NFIA: variants seen among roughly 807,000 people sequenced by gnomAD.
NFIA encodes nuclear factor I A.
Under a neutral mutation model 62.8 loss-of-function variants are expected in NFIA, and 8 were observed. That is an observed-to-expected ratio of 0.13 (90% CI 0.07 to 0.23). NFIA has a LOEUF of 0.23. NFIA is among the 10% of genes least tolerant of loss of function. The pLI is 1.00. For synonymous variants in NFIA, 235 were observed against 238.1 expected (o/e 0.99, Z 0.12); for missense variants, 410 against 642.1 (o/e 0.64, Z 3.91).
intron 4 of NFIA, among the ~76,000 whole-genome samples, chr1:61,338,703 G>A (rs1462498624): frequency 6.6e-6 from 1 of 152,156 alleles, no homozygotes; most frequent in East Asian, 1.9e-4. Flanking sequence ...AATACAAAAT[G>A]TTCTTGCACA....
intron 10 of NFIA, among the ~76,000 whole-genome samples, chr1:61,450,475 C>T (rs1668008728): frequency 6.6e-6 from 1 of 152,196 alleles, no homozygotes; most frequent in African/African-American, 2.4e-5. Context: ...CTAACACCTC[C>T]CCAAGAGAGA....
At chr1:61,320,109 T>A (rs1295389733) in intron 3 of NFIA, among the ~76,000 whole-genome samples, 1 of 150,586 alleles carries the variant, frequency 6.6e-6, no homozygotes. Context: ...CCATTCTACT[T>A]CTTTTTTTTT....
At chr1:61,157,896 A>G (rs1183479703) in intron 2 of NFIA, among the ~76,000 whole-genome samples, 2 of 152,248 alleles carry the variant, frequency 1.3e-5, no homozygotes, top group Non-Finnish European at 2.9e-5. Context: ...GACTTTAAAC[A>G]TTTTAAATCA....
At chr1:61,345,078 A>C (rs1421329742) in intron 4 of NFIA, among the ~76,000 whole-genome samples, 1 of 151,182 alleles carries the variant, frequency 6.6e-6, no homozygotes, top group Non-Finnish European at 1.5e-5. Context: ...ACTACATTCT[A>C]CTTATGACAG....
intron 3 of NFIA, among the ~76,000 whole-genome samples, chr1:61,306,640 C>G (rs1434955722): frequency 2.0e-5 from 3 of 152,142 alleles, no homozygotes; most frequent in African/African-American, 7.2e-5. Context: ...TCACCCACTT[C>G]TTCTTTACCA....
intron 2 of NFIA, among the ~76,000 whole-genome samples, chr1:61,174,877 A>G (rs1451706900): frequency 6.6e-6 from 1 of 152,192 alleles, no homozygotes; most frequent in Non-Finnish European, 1.5e-5. Flanking sequence ...TTTTGGATGC[A>G]CTTTTGATGG....
At position 61,256,230 on chromosome 1, in the gene NFIA, C is replaced by T. The variant is rs535087916; in HGVS notation, c.560-21290C>T. Among the ~76,000 whole-genome samples, 71 of 152,046 alleles carry T rather than the reference C, an allele frequency of 4.7e-4. 1 individual carries two copies. Among genetic ancestry groups the T allele is most frequent in the Admixed American group, 1.6e-3 (24 of 15,270 alleles). The stretch of plus-strand genomic sequence containing the variant: ...ATCATTTGAGGTGAGGTCAGGAGTT[C>T]AAGACCAGCCTGGCCAACATGGTGA... On this transcript the variant is annotated intron_variant, in intron 2 of 10. Coordinates refer to ENST00000403491, the MANE Select transcript of NFIA (RefSeq NM_001134673.4).
intron 2 of NFIA, among the ~76,000 whole-genome samples, chr1:61,231,018 C>T (rs1255888752): frequency 6.6e-6 from 1 of 152,226 alleles, no homozygotes; most frequent in Non-Finnish European, 1.5e-5. Context: ...GCTTTGTATA[C>T]TTCTGCCACA....
intron 4 of NFIA, among the ~76,000 whole-genome samples, chr1:61,333,070 C>CAT (rs1297864933): frequency 8.3e-5 from 11 of 133,082 alleles, no homozygotes; most frequent in South Asian, 2.2e-4. Flanking sequence ...CACACACATA[C>CAT]ACACACACAC....
chr1:61,084,605 A>G (rs766650539), intron 1 of NFIA, among the ~76,000 whole-genome samples: 1 of 152,220 alleles, frequency 6.6e-6, no homozygotes, highest in South Asian at 2.1e-4. Flanking sequence ...TCGAAGGCTG[A>G]AGTTCTAGCT....
At chr1:61,238,985 A>C (rs1655170476) in intron 2 of NFIA, among the ~76,000 whole-genome samples, 2 of 152,148 alleles carry the variant, frequency 1.3e-5, no homozygotes, top group Non-Finnish European at 2.9e-5. Context: ...TCTTTGAAAA[A>C]TTTACAATAT....
At chr1:61,131,928 T>C (rs564594414) in intron 2 of NFIA, among the ~76,000 whole-genome samples, 14 of 152,304 alleles carry the variant, frequency 9.2e-5, no homozygotes, top group Admixed American at 8.5e-4. Flanking sequence ...TGTAGACTTT[T>C]GGAGTGTGCC....
chr1:61,364,024 G>A (rs186913057), intron 6 of NFIA, among the ~76,000 whole-genome samples: 8 of 149,986 alleles, frequency 5.3e-5, no homozygotes, highest in African/African-American at 2.0e-4. Flanking sequence ...TCAGCTCACT[G>A]CAACCTCCAC....
chr1:61,374,168 A>G (rs1338342379), intron 6 of NFIA, among the ~76,000 whole-genome samples: 1 of 152,216 alleles, frequency 6.6e-6, no homozygotes, highest in Non-Finnish European at 1.5e-5. Context: ...CTGGATATCT[A>G]AGGAGAATGA....
rs112330173 is a variant in NFIA at position 61,406,557 on chromosome 1, C to A, written c.1255-5C>A. On this transcript the variant is annotated splice_polypyrimidine_tract_variant and splice_region_variant and intron_variant, in intron 8 of 10. Coordinates refer to ENST00000403491, the MANE Select transcript of NFIA (RefSeq NM_001134673.4). Reference sequence around the variant, plus strand: ...GTGTGTTTTCTGCCCCCCCCCCCCCCACAGCCCAATGGGAGCAGCCAAGGC... The same window carrying A: ...GTGTGTTTTCTGCCCCCCCCCCCCCAACAGCCCAATGGGAGCAGCCAAGGC... 146 of 1,317,552 alleles carry A rather than the reference C, an allele frequency of 1.1e-4. No individual in the cohort carries two copies. The highest frequency in any genetic ancestry group is 6.7e-4 in the South Asian group (50 of 74,796). 81.6% of individuals were successfully genotyped at this position (1,317,552 alleles called of 1,614,324 possible).
At chr1:61,389,285 A>G (rs900282050) in intron 7 of NFIA, among the ~76,000 whole-genome samples, 3 of 152,176 alleles carry the variant, frequency 2.0e-5, no homozygotes, top group African/African-American at 4.8e-5. Context: ...AAAGAAGGGA[A>G]AAGGTGAAGG....
chr1:61,434,261 C>T (rs1038308637), intron 10 of NFIA, among the ~76,000 whole-genome samples: 4 of 152,104 alleles, frequency 2.6e-5, no homozygotes, highest in African/African-American at 4.8e-5. Context: ...CATTTTTTCT[C>T]GTATGTTCTC....
At chr1:61,132,443 A>G (rs1419698009) in intron 2 of NFIA, among the ~76,000 whole-genome samples, 1 of 152,238 alleles carries the variant, frequency 6.6e-6, no homozygotes, top group Non-Finnish European at 1.5e-5. Flanking sequence ...AGGTTCACTC[A>G]TGGATCAAGA....
chr1:61,089,066 G>A (rs1185463594), intron 2 of NFIA, among the ~76,000 whole-genome samples: 4 of 152,090 alleles, frequency 2.6e-5, no homozygotes, highest in Non-Finnish European at 5.9e-5. Context: ...ATTTTTAGTT[G>A]GTTTTCTGCT....
Sources: gnomAD v4.1 joint callset for allele counts (sites outside exome capture counted in the v4.1 genomes callset) on GRCh38, gnomAD v4.1.1 for gene constraint, MANE v1.5 for transcripts, NCBI Gene and HGNC (gene_info 2026-07-23, HGNC 2026-07-21) for gene names.